ZNF420: variants seen among roughly 807,000 people sequenced by gnomAD.
ZNF420 encodes the protein ATM and p53-associated KZNF protein.
A neutral mutation model predicts 44.7 loss-of-function variants in ZNF420; 31 were observed. The ratio of observed to expected loss-of-function variants is 0.69; its 90% CI spans 0.52 to 0.94. The LOEUF is 0.94. ZNF420 is among the 40% of genes least tolerant of loss of function. The pLI, the probability that ZNF420 is intolerant of heterozygous loss-of-function variation, is 0.00. For synonymous variants in ZNF420, 245 were observed against 267.4 expected (o/e 0.92, Z 0.82); for missense variants, 681 against 827.9 (o/e 0.82, Z 2.18).
At chr19:37,055,328 G>A (rs1967720218) in intron 1 of ZNF420, among the ~76,000 whole-genome samples, 4 of 152,174 alleles carry the variant, frequency 2.6e-5, no homozygotes. Flanking sequence ...TGAGGCTGCA[G>A]TGAGTTATGA....
intron 4 of ZNF420, among the ~76,000 whole-genome samples, chr19:37,098,348 G>A (rs760212684): frequency 1.3e-5 from 2 of 152,110 alleles, no homozygotes; most frequent in Non-Finnish European, 2.9e-5. Context: ...ACTATGACCA[G>A]CAGATACAAA....
intron 4 of ZNF420, among the ~76,000 whole-genome samples, chr19:37,102,726 G>C (rs1010472502): frequency 1.3e-5 from 2 of 152,168 alleles, no homozygotes; most frequent in African/African-American, 4.8e-5. Flanking sequence ...GTGGATGGGT[G>C]CAGAATTCTC....
intron 4 of ZNF420, among the ~76,000 whole-genome samples, chr19:37,123,748 G>C (rs1212751180): frequency 6.6e-6 from 1 of 150,882 alleles, no homozygotes; most frequent in African/African-American, 2.4e-5. Context: ...GACTACAGGC[G>C]TGTGCCACCA....
At chr19:37,025,616 G>A (rs1967141731) in intron 1 of ZNF420, among the ~76,000 whole-genome samples, 1 of 151,978 alleles carries the variant, frequency 6.6e-6, no homozygotes, top group African/African-American at 2.4e-5. Flanking sequence ...CTTCAGACCT[G>A]TCATGTGTAG....
chr19:37,074,769 G>A (rs748049364), upstream of ZNF420, among the ~76,000 whole-genome samples: 5 of 152,168 alleles, frequency 3.3e-5, 1 homozygote, highest in Admixed American at 6.5e-5. Flanking sequence ...CCCATAAATG[G>A]TGAACAAAAA....
chr19:37,060,733 G>A (rs1299098334), intron 1 of ZNF420, among the ~76,000 whole-genome samples: 3 of 152,040 alleles, frequency 2.0e-5, no homozygotes, highest in Non-Finnish European at 2.9e-5. Context: ...AGAATGAGCG[G>A]TAGGCGACCG....
At chr19:37,079,262 A>T (rs888871131) in intron 1 of ZNF420, among the ~76,000 whole-genome samples, 28 of 152,272 alleles carry the variant, frequency 1.8e-4, no homozygotes, top group African/African-American at 6.7e-4. Flanking sequence ...TAACTGTGGA[A>T]ATGTGATTAT....
intron 1 of ZNF420, among the ~76,000 whole-genome samples, chr19:37,023,410 T>C (rs535178570): frequency 9.9e-5 from 15 of 152,190 alleles, no homozygotes; most frequent in African/African-American, 3.4e-4. Context: ...CTGTCGCCCG[T>C]GCTGGAGTGC....
intron 4 of ZNF420, among the ~76,000 whole-genome samples, chr19:37,105,880 T>TA (rs1170309463): frequency 1.3e-5 from 2 of 152,230 alleles, no homozygotes; most frequent in African/African-American, 4.8e-5. Context: ...CACATTGATT[T>TA]TGTATCCTGA....
At chr19:37,089,686 C>T (rs1969026195) in intron 3 of ZNF420, among the ~76,000 whole-genome samples, 1 of 152,112 alleles carries the variant, frequency 6.6e-6, no homozygotes, top group African/African-American at 2.4e-5. Context: ...TGTTTTTCAC[C>T]TTTCTATTGT....
At chr19:37,032,328 T>TAA (rs201146425) in intron 1 of ZNF420, among the ~76,000 whole-genome samples, 1 of 140,460 alleles carries the variant, frequency 7.1e-6, no homozygotes, top group Non-Finnish European at 1.6e-5. Flanking sequence ...AAGACTCTGT[T>TAA]AAAAAAAAAA....
chr19:37,115,826 G>A (rs1289009872), intron 4 of ZNF420, among the ~76,000 whole-genome samples: 2 of 152,056 alleles, frequency 1.3e-5, no homozygotes, highest in Non-Finnish European at 2.9e-5. Context: ...GAGAAACCTT[G>A]GACAATACCT....
At chr19:37,047,311 G>A (rs1382249498) in intron 1 of ZNF420, among the ~76,000 whole-genome samples, 1 of 152,166 alleles carries the variant, frequency 6.6e-6, no homozygotes, top group Admixed American at 6.5e-5. Context: ...GTTACACAAA[G>A]ACTGGAGGGA....
intron 1 of ZNF420, among the ~76,000 whole-genome samples, chr19:37,009,941 G>A (rs984902686): frequency 6.6e-6 from 1 of 151,976 alleles, no homozygotes; most frequent in Non-Finnish European, 1.5e-5. Flanking sequence ...CCACTCCCTC[G>A]CCGCCCCCTA....
chr19:37,011,275 G>A (rs2074567121), intron 1 of ZNF420, among the ~76,000 whole-genome samples: 1 of 152,208 alleles, frequency 6.6e-6, no homozygotes, highest in South Asian at 2.1e-4. Context: ...TGATCCTGGA[G>A]CTCTGGGCAT....
At chr19:37,071,223 G>C (rs1458618118) in intron 1 of ZNF420, among the ~76,000 whole-genome samples, 1 of 152,116 alleles carries the variant, frequency 6.6e-6, no homozygotes, top group African/African-American at 2.4e-5. Context: ...CTGTAATATA[G>C]TCAAGCAATG....
chr19:37,075,547 C>A (rs1968130405), upstream of ZNF420, among the ~76,000 whole-genome samples: 1 of 152,004 alleles, frequency 6.6e-6, no homozygotes, highest in Non-Finnish European at 1.5e-5. Flanking sequence ...TCGAGACCAG[C>A]CTGGCTAAAA....
intron 1 of ZNF420, among the ~76,000 whole-genome samples, chr19:37,048,584 G>C (rs1967580711): frequency 6.6e-6 from 1 of 152,166 alleles, no homozygotes; most frequent in Admixed American, 6.5e-5. Context: ...CAATATACTA[G>C]TGTGAAATTT....
chr19:37,067,105 C>T (rs930574242), intron 1 of ZNF420, among the ~76,000 whole-genome samples: 1 of 152,122 alleles, frequency 6.6e-6, no homozygotes. Context: ...AATTAATCTA[C>T]AATGGGAAAA....
Sources: allele counts gnomAD v4.1 joint callset (sites outside exome capture counted in the v4.1 genomes callset), GRCh38; gene constraint gnomAD v4.1.1; transcripts MANE v1.5; gene names NCBI Gene and HGNC (gene_info 2026-07-23, HGNC 2026-07-21).